PALM2AKAP2: variants seen among roughly 807,000 people sequenced by gnomAD.
PALM2AKAP2 encodes PALM2-AKAP2 fusion protein.
A neutral mutation model predicts 71.5 loss-of-function variants in PALM2AKAP2; 37 were observed. The ratio of observed to expected loss-of-function variants is 0.52; its 90% CI spans 0.40 to 0.68. PALM2AKAP2 has a LOEUF of 0.68. Among genes scored for constraint, PALM2AKAP2 ranks in the 30% least tolerant of loss-of-function variants. The probability of loss-of-function intolerance (pLI) is 0.00; values close to 1 mark genes in which losing one functional copy is unlikely to be tolerated. For missense variants in PALM2AKAP2, 1,224 were observed against 1,191.8 expected, an observed-to-expected ratio of 1.03 and a Z score of -0.40; for synonymous variants, 468 against 478.8, an observed-to-expected ratio of 0.98 and a Z score of 0.29.
At position 110,001,978 on chromosome 9, in the gene PALM2AKAP2, C is replaced by T. The variant is rs1216361906; in HGVS notation, c.497-13976C>T. ...TCTGCAAACAGGGACAATTTGACTT[C>T]CTCTTTTCCTAATTGAATACCCTTT... On this transcript the variant is annotated intron_variant, in intron 6 of 9. Transcript: ENST00000302798. Among the ~76,000 whole-genome samples the T allele has an allele frequency of 2.0e-5, 3 of 152,260 alleles. No individual in the cohort carries two copies. The South Asian group carries it at 6.2e-4, about 32-fold the overall frequency.
At chr9:110,108,208 C>T (rs1458135839) in intron 1 of PALM2AKAP2, among the ~76,000 whole-genome samples, 2 of 151,178 alleles carry the variant, frequency 1.3e-5, no homozygotes, top group Non-Finnish European at 1.5e-5. Flanking sequence ...CTCTGCCTCC[C>T]GGGTTCAAGT....
At chr9:109,668,323 A>C (rs1827521170) in intron 1 of PALM2AKAP2, among the ~76,000 whole-genome samples, 1 of 152,228 alleles carries the variant, frequency 6.6e-6, no homozygotes. Context: ...TCTGTTTATA[A>C]AACTGTCATT....
rs527879579 is a variant in PALM2AKAP2, at chr9:110,032,415, G to A, written c.582+16376G>A. ...CTCTACTTAAAGAAAAAAAACCGCCGGGTGCGGTGGCTTACGCCTGTAATC... is the reference window on the plus strand; with the variant it reads ...CTCTACTTAAAGAAAAAAAACCGCCAGGTGCGGTGGCTTACGCCTGTAATC... On this transcript the variant is annotated intron_variant, in intron 7 of 9. Coordinates refer to the PALM2AKAP2 transcript ENST00000302798. 3.9e-5 allele frequency among the ~76,000 whole-genome samples: 6 copies of A among 152,082 alleles called. No individual in the cohort carries two copies. The South Asian group carries it at 8.3e-4, about 21-fold the overall frequency.
chr9:109,813,185 T>A, intron 1 of PALM2AKAP2, among the ~76,000 whole-genome samples: 1 of 152,230 alleles, frequency 6.6e-6, no homozygotes, highest in East Asian at 1.9e-4. Flanking sequence ...AGACTATCAA[T>A]GACCTAGATT....
At chr9:109,912,361 G>A (rs1333724292) in intron 3 of PALM2AKAP2, among the ~76,000 whole-genome samples, 1 of 151,424 alleles carries the variant, frequency 6.6e-6, no homozygotes, top group East Asian at 1.9e-4. Context: ...ACACCTTACA[G>A]TCAAGGAAGG....
chr9:109,904,269 G>A (rs1830394298), intron 3 of PALM2AKAP2, among the ~76,000 whole-genome samples: 1 of 152,142 alleles, frequency 6.6e-6, no homozygotes, highest in Admixed American at 6.5e-5. Flanking sequence ...AGCATGAAAG[G>A]TGTTTAGATT....
At chr9:109,711,056 T>A (rs1324974000) in intron 1 of PALM2AKAP2, among the ~76,000 whole-genome samples, 1 of 152,218 alleles carries the variant, frequency 6.6e-6, no homozygotes, top group Non-Finnish European at 1.5e-5. Flanking sequence ...ATTGCCATGT[T>A]GATCTCCATA....
intron 1 of PALM2AKAP2, among the ~76,000 whole-genome samples, chr9:110,129,807 C>G (rs1835694568): frequency 6.6e-6 from 1 of 152,106 alleles, no homozygotes; most frequent in African/African-American, 2.4e-5. Flanking sequence ...GACTGGAGCC[C>G]CAGGTCTGGG....
intron 6 of PALM2AKAP2, among the ~76,000 whole-genome samples, chr9:109,940,784 G>A (rs1325735742): frequency 1.3e-5 from 2 of 152,098 alleles, no homozygotes; most frequent in African/African-American, 4.8e-5. Context: ...GAATGAGAGA[G>A]CCCACAAGAC....
chr9:110,043,714 G>GTTTTTTTTTTTTT (rs71492869), upstream of PALM2AKAP2, among the ~76,000 whole-genome samples: 6 of 98,410 alleles, frequency 6.1e-5, no homozygotes, highest in Admixed American at 1.2e-4. Flanking sequence ...GTTTTTTTTG[G>GTTTTTTTTTTTTT]TGTTTTTTTT....
intron 1 of PALM2AKAP2, among the ~76,000 whole-genome samples, chr9:110,083,045 G>A (rs1236277879): frequency 6.6e-6 from 1 of 152,196 alleles, no homozygotes; most frequent in Admixed American, 6.5e-5. Flanking sequence ...GGAGGCTGAG[G>A]CAGGAGAATC....
chr9:109,864,254 A>T (rs1242961142), intron 1 of PALM2AKAP2, among the ~76,000 whole-genome samples: 2 of 152,188 alleles, frequency 1.3e-5, no homozygotes, highest in African/African-American at 4.8e-5. Context: ...TAACCCAATA[A>T]GGAGTTTCCT....
At chr9:110,166,267 C>T (rs1237577438) in intron 3 of PALM2AKAP2, among the ~76,000 whole-genome samples, 1 of 152,160 alleles carries the variant, frequency 6.6e-6, no homozygotes, top group Non-Finnish European at 1.5e-5. Flanking sequence ...GATACTGAAG[C>T]ACAGGGGTAA....
intron 6 of PALM2AKAP2, among the ~76,000 whole-genome samples, chr9:109,942,349 C>T (rs1831390145): frequency 6.6e-6 from 1 of 152,208 alleles, no homozygotes. Context: ...GGGAAGCCCT[C>T]AGTCAAGGTA....
intron 6 of PALM2AKAP2, among the ~76,000 whole-genome samples, chr9:109,957,860 C>T (rs1040625247): frequency 2.0e-5 from 3 of 152,194 alleles, no homozygotes; most frequent in Admixed American, 2.0e-4. Context: ...GTGTTGGAAA[C>T]AGCAGCACAC....
At chr9:110,040,260 T>C (rs2132455879) in intron 7 of PALM2AKAP2, among the ~76,000 whole-genome samples, 1 of 152,356 alleles carries the variant, frequency 6.6e-6, no homozygotes, top group Non-Finnish European at 1.5e-5. Context: ...TCTCCGTATT[T>C]AAATGATCTT....
exon 2 of PALM2AKAP2, chr9:110,138,171 C>T: frequency 6.2e-7 from 1 of 1,614,000 alleles, no homozygotes; most frequent in South Asian, 1.1e-5. Flanking sequence ...AAGATTCTGC[C>T]TGCTGAAGAC....
chr9:110,122,974 CCTAGCTTG>C (rs1205371958), intron 1 of PALM2AKAP2, among the ~76,000 whole-genome samples: 2 of 152,302 alleles, frequency 1.3e-5, no homozygotes, highest in East Asian at 3.9e-4. Flanking sequence ...GCAGCCTCAG[CCTAGCTTG>C]CTGGTTTTTC....
At position 109,704,676 on chromosome 9, in the gene PALM2AKAP2, A is replaced by T. The variant is rs566738892; in HGVS notation, c.5+63810A>T. Among the ~76,000 whole-genome samples the T allele has an allele frequency of 5.3e-5, 8 of 152,252 alleles. No individual in the cohort carries two copies. The East Asian group carries it at 1.5e-3, about 29-fold the overall frequency. On this transcript the variant is annotated intron_variant, in intron 1 of 6. Transcript: ENST00000374531. ...CTTTCACCTGTTGGTGTCATTTCACATGCGTGATAATCTTCAAACCCAGCT... is the reference window on the plus strand; with the variant it reads ...CTTTCACCTGTTGGTGTCATTTCACTTGCGTGATAATCTTCAAACCCAGCT...
Sources: allele counts gnomAD v4.1 joint callset (sites outside exome capture counted in the v4.1 genomes callset), GRCh38; gene constraint gnomAD v4.1.1; transcripts MANE v1.5; gene names NCBI Gene and HGNC (gene_info 2026-07-23, HGNC 2026-07-21).